Variants in GLG1 observed in about 807,000 individuals in gnomAD.
GLG1 encodes the protein golgi glycoprotein 1.
Under a neutral mutation model 160.5 loss-of-function variants are expected in GLG1, and 38 were observed. The ratio of observed to expected loss-of-function variants is 0.24; its 90% CI spans 0.18 to 0.31. GLG1 has a LOEUF of 0.31. GLG1 is among the 10% of genes least tolerant of loss of function. The pLI, the probability that GLG1 is intolerant of heterozygous loss-of-function variation, is 1.00. For missense variants in GLG1, 1,373 were observed against 1,505.2 expected (o/e 0.91, Z 1.45); for synonymous variants, 644 against 543.4 (o/e 1.19, Z -2.57).
intron 2 of GLG1, among the ~76,000 whole-genome samples, chr16:74,521,212 G>A (rs963206191): frequency 6.6e-6 from 1 of 152,128 alleles, no homozygotes. Flanking sequence ...ACGGTCGTAG[G>A]AGAAGAGGTC....
chr16:74,530,684 C>T (rs909078777), intron 2 of GLG1, among the ~76,000 whole-genome samples: 1 of 151,162 alleles, frequency 6.6e-6, no homozygotes, highest in Non-Finnish European at 1.5e-5. Flanking sequence ...GTTACCCAGG[C>T]TGCAGTGCAG....
In GLG1 at chr16:74,452,158, A is replaced by T; in HGVS notation, c.*1009T>A. ...TGAAAAATAAAGCAAAGTGAGTCAA[A>T]CCTCTGGCTCCCACTTCCTGACCCA... On this transcript the variant is annotated 3_prime_UTR_variant, in exon 26 of 26. Coordinates refer to ENST00000422840, the MANE Select transcript of GLG1 (RefSeq NM_001145667.2). 1 of 1,611,862 alleles carries T rather than the reference A, an allele frequency of 6.2e-7. No homozygotes were observed. The highest frequency in any genetic ancestry group is 8.5e-7 in the Non-Finnish European group (1 of 1,178,908).
In GLG1 at chr16:74,496,388, T is replaced by C. The variant is rs919803429; in HGVS notation, c.978+53A>G. ...ACAATTAAATTAATTAAAACAAAATTATATATGTGTAAAAATAAAAGGAAG... is the reference window on the plus strand; with the variant it reads ...ACAATTAAATTAATTAAAACAAAATCATATATGTGTAAAAATAAAAGGAAG... On this transcript the variant is annotated intron_variant, in intron 5 of 25. Transcript: ENST00000422840. 2.5e-6 allele frequency: 3 copies of C among 1,189,554 alleles called. No homozygotes were observed. The African/African-American group carries it at 4.6e-5, about 18-fold the overall frequency. The allele number at this position is 1,189,554 out of a possible 1,614,324, so 73.7% of individuals were successfully genotyped here.
chr16:74,482,084 G>C (rs541275873), intron 10 of GLG1, among the ~76,000 whole-genome samples: 1 of 152,060 alleles, frequency 6.6e-6, no homozygotes, highest in Non-Finnish European at 1.5e-5. Flanking sequence ...CACCGCGCCC[G>C]GTTCAAGTGA....
intron 1 of GLG1, among the ~76,000 whole-genome samples, chr16:74,567,394 G>C (rs1395133225): frequency 6.6e-6 from 1 of 152,042 alleles, no homozygotes; most frequent in Non-Finnish European, 1.5e-5. Flanking sequence ...ATGAGAAATT[G>C]ACAGGTATCT....
chr16:74,493,161 C>A (rs1194509588), intron 6 of GLG1, 21 bp from the exon 7 acceptor site: 1 of 1,569,874 alleles, frequency 6.4e-7, no homozygotes, highest in Non-Finnish European at 8.7e-7. Flanking sequence ...AGTACAGCAA[C>A]AGCCGTGAGA....
At chr16:74,546,110 A>G (rs1224857418) in intron 1 of GLG1, among the ~76,000 whole-genome samples, 2 of 152,212 alleles carry the variant, frequency 1.3e-5, no homozygotes, top group Admixed American at 1.3e-4. Context: ...CTTCATAATC[A>G]TAATTACTGT....
intron 18 of GLG1, among the ~76,000 whole-genome samples, chr16:74,467,239 T>C: frequency 6.6e-6 from 1 of 152,268 alleles, no homozygotes; most frequent in East Asian, 1.9e-4. Flanking sequence ...TGCCCTTAAC[T>C]AGAAGAGGTA....
intron 1 of GLG1, among the ~76,000 whole-genome samples, chr16:74,568,432 T>C (rs2018722173): frequency 6.6e-6 from 1 of 151,736 alleles, no homozygotes; most frequent in East Asian, 1.9e-4. Flanking sequence ...TTTTTTTTTT[T>C]TTTGAGACGG....
intron 14 of GLG1, among the ~76,000 whole-genome samples, chr16:74,471,957 T>G (rs1768186282): frequency 6.6e-6 from 1 of 152,088 alleles, no homozygotes; most frequent in Non-Finnish European, 1.5e-5. Flanking sequence ...TAGGCTGGAG[T>G]GCAGTGGCAC....
intron 1 of GLG1, among the ~76,000 whole-genome samples, chr16:74,586,702 ATTT>A (rs36008097): frequency 6.8e-6 from 1 of 146,782 alleles, no homozygotes; most frequent in African/African-American, 2.5e-5. Context: ...TGTAATTCTA[ATTT>A]TTTTTTTTTT....
chr16:74,598,053 A>G (rs1179507582), intron 1 of GLG1, among the ~76,000 whole-genome samples: 1 of 152,094 alleles, frequency 6.6e-6, no homozygotes, highest in Non-Finnish European at 1.5e-5. Flanking sequence ...AATAAGAATG[A>G]TAATAATAAA....
chr16:74,456,628 G>T, intron 25 of GLG1, 21 bp downstream of exon 25: 1 of 1,484,212 alleles, frequency 6.7e-7, no homozygotes, highest in Middle Eastern at 1.7e-4. Flanking sequence ...TTTTAAAAAA[G>T]GAGATTCTCT....
At chr16:74,518,079 T>A (rs993460275) in intron 2 of GLG1, among the ~76,000 whole-genome samples, 1 of 152,172 alleles carries the variant, frequency 6.6e-6, no homozygotes, top group African/African-American at 2.4e-5. Flanking sequence ...AAACATTCCA[T>A]GCTCGTGGAT....
Position 74,606,774 on chromosome 16 carries a change from A to C in GLG1, c.321T>G (p.Gly107=), listed in dbSNP as rs747883540. 2.4e-5 allele frequency: 38 copies of C among 1,605,248 alleles called. No homozygotes were observed. The highest frequency in any genetic ancestry group is 3.6e-4 in the Middle Eastern group (2 of 5,584). Reference sequence around the variant, plus strand: ...CTTCCTCCGCCAGCTTCCAGCCCCCACCAGCCCCCGCTCCTCCCCGCCGGG... The same window carrying C: ...CTTCCTCCGCCAGCTTCCAGCCCCCCCCAGCCCCCGCTCCTCCCCGCCGGG... ...PPARRGGAGA[G]GGWKLAEEES... is the part of the protein sequence containing the mutation. Residue 107 remains glycine (G), a synonymous_variant, in exon 1 of 26, where the codon GGT becomes GGG. Coordinates refer to ENST00000422840, the MANE Select transcript of GLG1 (RefSeq NM_001145667.2).
Position 74,508,937 on chromosome 16 carries a change from AG to A in GLG1, c.472-13del. On this transcript the variant is annotated splice_polypyrimidine_tract_variant and intron_variant, in intron 2 of 25. Transcript: ENST00000422840. ...TAATTCCACAACAACTAGATAGGAG[AG>A]GAAAAAAAAAAACAAAGAAAAACTC... is the stretch of plus-strand genomic sequence containing the variant. 2 of 1,102,618 alleles carry A rather than the reference AG, an allele frequency of 1.8e-6. No homozygotes were observed. Among genetic ancestry groups the A allele is most frequent in the Non-Finnish European group, 2.7e-6 (2 of 730,772 alleles). 68.3% of individuals were successfully genotyped at this position (1,102,618 alleles called of 1,614,324 possible).
intron 1 of GLG1, among the ~76,000 whole-genome samples, chr16:74,595,333 C>A (rs1210620268): frequency 6.6e-6 from 1 of 151,868 alleles, no homozygotes; most frequent in Non-Finnish European, 1.5e-5. Flanking sequence ...GTCAGGAGAT[C>A]GAGACCATCC....
chr16:74,508,961 C>A lies in GLG1; in HGVS notation c.472-36G>T, dbSNP rs753744283. On this transcript the variant is annotated intron_variant, in intron 2 of 25. Coordinates refer to ENST00000422840, the MANE Select transcript of GLG1 (RefSeq NM_001145667.2). ...GAGGAAAAAAAAAAACAAAGAAAAA[C>A]TCCAGTTAGAACAGTACGAAATTTA... 9 of 872,960 alleles carry A rather than the reference C, an allele frequency of 1.0e-5. No individual in the cohort carries two copies. The Admixed American group carries it at 1.1e-4, about 11-fold the overall frequency. 54.1% of individuals were successfully genotyped at this position (872,960 alleles called of 1,614,324 possible).
intron 22 of GLG1, among the ~76,000 whole-genome samples, chr16:74,461,284 T>C (rs931705806): frequency 4.0e-5 from 6 of 148,212 alleles, no homozygotes; most frequent in African/African-American, 1.5e-4. Flanking sequence ...TCTCCTGCCT[T>C]AGCCTCCCGG....
Sources: allele counts gnomAD v4.1 joint callset (sites outside exome capture counted in the v4.1 genomes callset), GRCh38; gene constraint gnomAD v4.1.1; transcripts MANE v1.5; gene names NCBI Gene and HGNC (gene_info 2026-07-23, HGNC 2026-07-21).